MRGPRX1: variants seen among roughly 807,000 people sequenced by gnomAD.
The protein encoded by MRGPRX1 is MAS related GPR family member X1.
For synonymous variants in MRGPRX1, 208 were observed against 170.4 expected (o/e 1.22, Z -1.72); for missense variants, 411 against 393.8 (o/e 1.04, Z -0.37).
At position 18,934,491 on chromosome 11, in the gene MRGPRX1, G is replaced by C; in HGVS notation, c.294C>G (p.Leu98=). The C allele has an allele frequency of 1.2e-6, 2 of 1,610,714 alleles. No individual in the cohort carries two copies. The highest frequency in any genetic ancestry group is 1.1e-5 in the South Asian group (1 of 90,764). The part of the protein sequence containing the change: ...ISIPHTISKI[L]YPVMMFSYFA... ...AGTAGGAAAACATCATCACAGGATA[G>C]AGGATTTTAGAGATGGTATGGGGGA... Residue 98 remains leucine (L), a synonymous_variant, in exon 2 of 2, where the codon CTC becomes CTG. Coordinates refer to ENST00000526914, the MANE Select transcript of MRGPRX1 (RefSeq NM_001393578.1).
Position 18,934,469 on chromosome 11 carries a change from A to G in MRGPRX1, c.316T>C (p.Tyr106His), listed in dbSNP as rs779415102. Reference protein sequence around the residue: ...KILYPVMMFSYFAGLSFLSAV... With the variant: ...KILYPVMMFSHFAGLSFLSAV... ...CTCAGAAAGCTCAGGCCTGCAAAGT[A>G]GGAAAACATCATCACAGGATAGAGG... The change falls in exon 2 of 2, where the codon TAC (tyrosine) becomes CAC (histidine). Residue 106 changes from tyrosine to histidine, a missense_variant. Transcript: ENST00000526914. 2 of 1,610,742 alleles carry G rather than the reference A, an allele frequency of 1.2e-6. No homozygotes were observed. Among genetic ancestry groups the G allele is most frequent in the Non-Finnish European group, 1.7e-6 (2 of 1,178,124 alleles).
chr11:18,935,254 G>A (rs1365025126), intron 1 of MRGPRX1: 6 of 158,208 alleles, frequency 3.8e-5, no homozygotes, highest in African/African-American at 1.4e-4. Flanking sequence ...GCTAGGATAA[G>A]TGTGAAAATG....
In MRGPRX1 at chr11:18,936,420, A is replaced by G. The variant is rs900398623; in HGVS notation, c.-25-1611T>C. On this transcript the variant is annotated intron_variant, in intron 1 of 1. Transcript: ENST00000526914. ...CAAATTCAGGAGTTCCTTTTTGCCT[A>G]TCAGAGGCCACCTTTGCTCTGGAAT... 2.6e-5 allele frequency among the ~76,000 whole-genome samples: 4 copies of G among 151,244 alleles called. 1 individual carries two copies. The highest frequency in any genetic ancestry group is 5.9e-5 in the Non-Finnish European group (4 of 67,736).
At chr11:18,936,872 C>T (rs1378521422) in intron 1 of MRGPRX1, among the ~76,000 whole-genome samples, 2 of 151,486 alleles carry the variant, frequency 1.3e-5, no homozygotes, top group Non-Finnish European at 1.5e-5. Flanking sequence ...GGCCCAATGC[C>T]AGCCCCTGGT....
At chr11:18,936,739 G>A (rs1477145839) in intron 1 of MRGPRX1, among the ~76,000 whole-genome samples, 3 of 151,440 alleles carry the variant, frequency 2.0e-5, no homozygotes, top group Non-Finnish European at 4.4e-5. Flanking sequence ...TTCCACTGTG[G>A]TATCACCAAC....
At chr11:18,938,188 C>G (rs1402931751) in intron 1 of MRGPRX1, among the ~76,000 whole-genome samples, 2 of 151,574 alleles carry the variant, frequency 1.3e-5, no homozygotes, top group Non-Finnish European at 1.5e-5. Context: ...CCTCCTGGCT[C>G]TCTGCCTGTG....
At chr11:18,937,421 C>T (rs1299727886) in intron 1 of MRGPRX1, among the ~76,000 whole-genome samples, 1 of 151,442 alleles carries the variant, frequency 6.6e-6, no homozygotes, top group Non-Finnish European at 1.5e-5. Context: ...TACCCCAGCA[C>T]ACACCAAAAT....
At chr11:18,936,811 C>G (rs1164476730) in intron 1 of MRGPRX1, among the ~76,000 whole-genome samples, 1 of 151,386 alleles carries the variant, frequency 6.6e-6, no homozygotes, top group African/African-American at 2.4e-5. Flanking sequence ...TAAGATGAAG[C>G]CGAGGCCTAG....
intron 1 of MRGPRX1, among the ~76,000 whole-genome samples, chr11:18,938,911 A>G (rs1326366195): frequency 1.3e-5 from 2 of 151,610 alleles, no homozygotes; most frequent in African/African-American, 4.8e-5. Context: ...CAGGCAAGGA[A>G]TAATAATTTA....
Position 18,933,745 on chromosome 11 carries a change from G to A in MRGPRX1, c.*71C>T, listed in dbSNP as rs1848809278. 4 of 1,520,234 alleles carry A rather than the reference G, an allele frequency of 2.6e-6. No individual in the cohort carries two copies. Among genetic ancestry groups the A allele is most frequent in the Non-Finnish European group, 3.5e-6 (4 of 1,135,102 alleles). 94.2% of individuals were successfully genotyped at this position (1,520,234 alleles called of 1,614,324 possible). ...TCTGAGGCAGAAGGCTAAGAAAAAC[G>A]CATATAATTGTCAAGGGTGGCAGGG... On this transcript the variant is annotated 3_prime_UTR_variant, in exon 2 of 2. Coordinates refer to ENST00000526914, the MANE Select transcript of MRGPRX1 (RefSeq NM_001393578.1).
chr11:18,937,461 T>C (rs1265563007), intron 1 of MRGPRX1, among the ~76,000 whole-genome samples: 1 of 151,552 alleles, frequency 6.6e-6, no homozygotes, highest in Non-Finnish European at 1.5e-5. Flanking sequence ...TTATATAAAA[T>C]GATGTGATAG....
At chr11:18,938,586 TGG>T (rs1848858958) in intron 1 of MRGPRX1, among the ~76,000 whole-genome samples, 1 of 151,512 alleles carries the variant, frequency 6.6e-6, no homozygotes. Flanking sequence ...GAGATTTGGT[TGG>T]GGACACAGAT....
Position 18,934,449 on chromosome 11 carries a change from A to G in MRGPRX1, c.336T>C (p.Phe112=). 2 of 1,610,670 alleles carry G rather than the reference A, an allele frequency of 1.2e-6. No individual in the cohort carries two copies. Residue 112 remains phenylalanine (F), a synonymous_variant, in exon 2 of 2, where the codon TTT becomes TTC. Transcript: ENST00000526914. ...MMFSYFAGLS[F]LSAVSTERCL... is the part of the protein sequence containing the mutation. ...AGCGCTCGGTGCTCACGGCACTCAG[A>G]AAGCTCAGGCCTGCAAAGTAGGAAA...
At chr11:18,934,915 A>T in intron 1 of MRGPRX1, 106 bp from the exon 2 acceptor site, 1 of 1,255,214 alleles carries the variant, frequency 8.0e-7, no homozygotes, top group African/African-American at 1.5e-5. Flanking sequence ...CAGATCAGAG[A>T]CTCACAGAGA....
At chr11:18,937,025 T>G (rs1034142014) in intron 1 of MRGPRX1, among the ~76,000 whole-genome samples, 1 of 151,534 alleles carries the variant, frequency 6.6e-6, no homozygotes, top group South Asian at 2.1e-4. Flanking sequence ...GTGTTCATTT[T>G]CCTGTTTGGT....
chr11:18,936,770 A>G (rs552325648), intron 1 of MRGPRX1, among the ~76,000 whole-genome samples: 23 of 151,650 alleles, frequency 1.5e-4, no homozygotes, highest in African/African-American at 5.3e-4. Context: ...TGTTCTTTAA[A>G]GATCATCTAT....
chr11:18,934,118 G>A lies in MRGPRX1; in HGVS notation c.667C>T (p.Leu223=), dbSNP rs112335646. Residue 223 remains leucine, a synonymous_variant, in exon 2 of 2, where the codon CTG becomes TTG. Transcript: ENST00000526914. ...RLYVTILLTV[L]VFLLCGLPFG... The stretch of plus-strand genomic sequence containing the variant: ...GGCAGGCCACAGAGGAGGAAGACCA[G>A]TACTGTGAGCAGGATGGTCACGTAC... The A allele has an allele frequency of 1.9e-3, 3,027 of 1,610,844 alleles. 118 individuals carry two copies. In the African/African-American group the frequency reaches 0.035, roughly 19 times the overall value.
chr11:18,934,056 G>A lies in MRGPRX1; in HGVS notation c.729C>T (p.His243=), dbSNP rs368710591. 2.9e-4 allele frequency: 468 copies of A among 1,610,870 alleles called. 28 individuals carry two copies. The South Asian group carries it at 3.7e-3, about 13-fold the overall frequency. The change falls in exon 2 of 2, where the codon CAC becomes CAT. Residue 243 remains histidine, a synonymous_variant. Coordinates refer to ENST00000526914, the MANE Select transcript of MRGPRX1 (RefSeq NM_001393578.1). ...GIQFFLFLWI[H]VDREVLFCHV... Reference sequence around the variant, plus strand: ...GACAAAATAAGACTTCCCTGTCCACGTGGATCCATAAAAATAGGAAAAACT... The same window carrying A: ...GACAAAATAAGACTTCCCTGTCCACATGGATCCATAAAAATAGGAAAAACT...
At position 18,934,199 on chromosome 11, in the gene MRGPRX1, G is replaced by A. The variant is rs371668992; in HGVS notation, c.586C>T (p.Leu196=). The change falls in exon 2 of 2, where the codon CTG becomes TTG. Residue 196 remains leucine (L), a synonymous_variant. Transcript: ENST00000526914. The part of the protein sequence containing the change: ...FLCVVLCGSS[L]VLLIRILCGS... ...CAGAGAATCCTGATCAGCAGGACCA[G>A]GCTGGACCCACAGAGAACCACACAT... The A allele has an allele frequency of 6.2e-7, 1 of 1,610,398 alleles. No homozygotes were observed. The highest frequency in any genetic ancestry group is 1.3e-5 in the African/African-American group (1 of 74,614).
Sources: gnomAD v4.1 joint callset for allele counts (sites outside exome capture counted in the v4.1 genomes callset) on GRCh38, gnomAD v4.1.1 for gene constraint, MANE v1.5 for transcripts, NCBI Gene and HGNC (gene_info 2026-07-23, HGNC 2026-07-21) for gene names.